Variants in NRXN3 observed in about 807,000 individuals in gnomAD.
The protein encoded by NRXN3 is neurexin 3, also known as neurexin III.
A neutral mutation model predicts 137.6 loss-of-function variants in NRXN3; 32 were observed. The ratio of observed to expected loss-of-function variants is 0.23; its 90% CI spans 0.18 to 0.31. The LOEUF (loss-of-function observed/expected upper bound fraction) is 0.31. NRXN3 is among the 10% of genes least tolerant of loss of function. The pLI is 1.00. For synonymous variants in NRXN3, 798 were observed against 784.5 expected, an observed-to-expected ratio of 1.02 and a Z score of -0.29; for missense variants, 1,574 against 2,062.5, an observed-to-expected ratio of 0.76 and a Z score of 4.59.
chr14:79,733,916 C>G (rs1227474873), intron 19 of NRXN3, among the ~76,000 whole-genome samples: 1 of 152,112 alleles, frequency 6.6e-6, no homozygotes, highest in African/African-American at 2.4e-5. Flanking sequence ...TGGCCAGTAG[C>G]TGGTCCCAAT....
At chr14:79,606,667 A>T (rs974387415) in intron 16 of NRXN3, among the ~76,000 whole-genome samples, 1 of 152,248 alleles carries the variant, frequency 6.6e-6, no homozygotes, top group African/African-American at 2.4e-5. Context: ...AAATTTTAAT[A>T]AATGGGTTGT....
intron 2 of NRXN3, among the ~76,000 whole-genome samples, chr14:78,271,233 A>T (rs2072679189): frequency 6.6e-6 from 1 of 152,178 alleles, no homozygotes; most frequent in South Asian, 2.1e-4. Flanking sequence ...GTTGCATCCC[A>T]ACTTCATCTT....
intron 16 of NRXN3, among the ~76,000 whole-genome samples, chr14:79,629,739 G>C (rs1388426925): frequency 3.3e-5 from 5 of 152,066 alleles, no homozygotes; most frequent in African/African-American, 1.2e-4. Flanking sequence ...AAAACAAAGA[G>C]ATCAGCATGT....
intron 4 of NRXN3, among the ~76,000 whole-genome samples, chr14:78,492,060 G>A (rs1937645122): frequency 6.6e-6 from 1 of 152,146 alleles, no homozygotes; most frequent in African/African-American, 2.4e-5. Context: ...TTCCTCATGA[G>A]TCAAAACTGG....
chr14:79,668,740 G>A (rs1009118754), intron 17 of NRXN3, among the ~76,000 whole-genome samples: 1 of 152,026 alleles, frequency 6.6e-6, no homozygotes, highest in African/African-American at 2.4e-5. Context: ...ATTGCAGGAT[G>A]TTTAGCAGCA....
chr14:79,631,301 G>A (rs111529789), intron 16 of NRXN3, among the ~76,000 whole-genome samples: 11 of 152,268 alleles, frequency 7.2e-5, no homozygotes, highest in African/African-American at 2.2e-4. Context: ...AGGTGACAAC[G>A]TGCTAGCAGC....
At chr14:78,232,842 G>T (rs1171890055) in intron 1 of NRXN3, among the ~76,000 whole-genome samples, 2 of 152,234 alleles carry the variant, frequency 1.3e-5, no homozygotes, top group East Asian at 1.9e-4. Flanking sequence ...GGCTGGGGAG[G>T]CCCACTGGCC....
intron 15 of NRXN3, among the ~76,000 whole-genome samples, chr14:79,327,443 C>A (rs1465257572): frequency 6.6e-6 from 1 of 152,188 alleles, no homozygotes; most frequent in Non-Finnish European, 1.5e-5. Flanking sequence ...ACATGGCCAT[C>A]TGGGTCTTCT....
intron 4 of NRXN3, among the ~76,000 whole-genome samples, chr14:78,425,218 T>C (rs189355144): frequency 5.9e-5 from 9 of 152,342 alleles, no homozygotes; most frequent in African/African-American, 2.2e-4. Context: ...AAAGTCTCTG[T>C]TTTCTCACTT....
At chr14:78,773,632 T>A (rs561103018) in intron 8 of NRXN3, among the ~76,000 whole-genome samples, 1 of 152,258 alleles carries the variant, frequency 6.6e-6, no homozygotes, top group Admixed American at 6.5e-5. Flanking sequence ...CGTTCAATAG[T>A]CTTTTCCAGC....
chr14:78,222,480 G>C (rs534939955), intron 1 of NRXN3, among the ~76,000 whole-genome samples: 17 of 152,290 alleles, frequency 1.1e-4, no homozygotes, highest in African/African-American at 3.8e-4. Context: ...TCTCCCTTCC[G>C]GACTAACTGA....
intron 20 of NRXN3, among the ~76,000 whole-genome samples, chr14:79,858,790 C>T (rs2099408179): frequency 6.6e-6 from 1 of 152,100 alleles, no homozygotes; most frequent in Non-Finnish European, 1.5e-5. Context: ...TTTCATATAT[C>T]ACCTTAAATC....
At chr14:78,844,143 G>C (rs1018004073) in intron 10 of NRXN3, among the ~76,000 whole-genome samples, 1 of 151,994 alleles carries the variant, frequency 6.6e-6, no homozygotes, top group Non-Finnish European at 1.5e-5. Context: ...GCACTCTTTG[G>C]CTTGTTGCTG....
chr14:79,231,380 A>C (rs908722024), intron 15 of NRXN3, among the ~76,000 whole-genome samples: 1 of 152,178 alleles, frequency 6.6e-6, no homozygotes, highest in African/African-American at 2.4e-5. Flanking sequence ...GTGGGTGCCT[A>C]TTAGTGTCAT....
intron 2 of NRXN3, 48 bp from the exon 3 acceptor site, chr14:78,278,597 C>T: frequency 6.7e-7 from 1 of 1,483,060 alleles, no homozygotes; most frequent in Non-Finnish European, 9.1e-7. Flanking sequence ...TTTTTCTCCC[C>T]TTTTCTCTCC....
intron 4 of NRXN3, among the ~76,000 whole-genome samples, chr14:78,346,442 G>A (rs779384051): frequency 4.6e-5 from 7 of 152,266 alleles, no homozygotes; most frequent in Admixed American, 2.0e-4. Context: ...TGTCAGCTCC[G>A]TGTGAATCAA....
intron 15 of NRXN3, among the ~76,000 whole-genome samples, chr14:79,092,633 T>C (rs2049423099): frequency 6.6e-6 from 1 of 152,186 alleles, no homozygotes; most frequent in Non-Finnish European, 1.5e-5. Context: ...CAATTTGAAG[T>C]TTTGCTGAAG....
At chr14:78,504,612 A>G (rs796169202) in intron 4 of NRXN3, among the ~76,000 whole-genome samples, 2 of 152,174 alleles carry the variant, frequency 1.3e-5, no homozygotes, top group South Asian at 4.1e-4. Flanking sequence ...GGTAGCCCTC[A>G]AACCATTTAT....
rs900123634 is a variant in NRXN3, at chr14:78,198,649, C to A, written c.-704+27975C>A. On this transcript the variant is annotated intron_variant, in intron 1 of 20. Transcript: ENST00000335750. Reference sequence around the variant, plus strand: ...TAGCCTGTCCCATTCCTTATATATGCACAACAATCTCTTATCCTAACTGTA... The same window carrying A: ...TAGCCTGTCCCATTCCTTATATATGAACAACAATCTCTTATCCTAACTGTA... Among the ~76,000 whole-genome samples the A allele has an allele frequency of 3.9e-5, 6 of 152,352 alleles. No individual in the cohort carries two copies. In the South Asian group the frequency reaches 1.2e-3, roughly 32 times the overall value.
Sources: allele counts gnomAD v4.1 joint callset (sites outside exome capture counted in the v4.1 genomes callset), GRCh38; gene constraint gnomAD v4.1.1; transcripts MANE v1.5; gene names NCBI Gene and HGNC (gene_info 2026-07-23, HGNC 2026-07-21).